NPAS3: variants seen among roughly 807,000 people sequenced by gnomAD.
The protein encoded by NPAS3 is neuronal PAS domain-containing protein 3.
A neutral mutation model predicts 73.1 loss-of-function variants in NPAS3; 14 were observed. That is an observed-to-expected ratio of 0.19 (90% CI 0.13 to 0.30). The LOEUF (loss-of-function observed/expected upper bound fraction) is 0.30, where lower values mean the gene tolerates loss of function less well. Among genes scored for constraint, NPAS3 ranks in the 10% least tolerant of loss-of-function variants. NPAS3 has a pLI of 1.00. For missense variants in NPAS3, 1,096 were observed against 1,250.0 expected (o/e 0.88, Z 1.86); for synonymous variants, 620 against 541.5 (o/e 1.14, Z -2.01).
At chr14:33,316,920 T>C (rs1423132704) in intron 3 of NPAS3, among the ~76,000 whole-genome samples, 1 of 152,116 alleles carries the variant, frequency 6.6e-6, no homozygotes, top group Non-Finnish European at 1.5e-5. Flanking sequence ...ATGTGGTTAT[T>C]CAAGCAAAGT....
chr14:33,604,462 G>A (rs768451243), intron 5 of NPAS3, among the ~76,000 whole-genome samples: 2 of 151,940 alleles, frequency 1.3e-5, no homozygotes, highest in Non-Finnish European at 2.9e-5. Flanking sequence ...AAGGACACCC[G>A]AGTATAAAGC....
chr14:33,717,126 C>A (rs1462927036), intron 6 of NPAS3, among the ~76,000 whole-genome samples: 2 of 147,138 alleles, frequency 1.4e-5, no homozygotes, highest in Admixed American at 7.2e-5. Context: ...CCAGAGAAAC[C>A]ATTTCCTGCT....
intron 1 of NPAS3, among the ~76,000 whole-genome samples, chr14:32,954,208 G>A (rs889265090): frequency 1.3e-5 from 2 of 152,012 alleles, no homozygotes; most frequent in Non-Finnish European, 2.9e-5. Context: ...GGTTTGTTTC[G>A]GTTTAGCTGA....
intron 5 of NPAS3, among the ~76,000 whole-genome samples, chr14:33,656,571 T>TA (rs2059151189): frequency 6.6e-6 from 1 of 152,172 alleles, no homozygotes; most frequent in South Asian, 2.1e-4. Context: ...TTCTTCTTTT[T>TA]AAAATTTTTT....
At chr14:33,680,950 A>T (rs2059919721) in intron 6 of NPAS3, 1 of 330,298 alleles carries the variant, frequency 3.0e-6, no homozygotes, top group Non-Finnish European at 5.5e-6. Flanking sequence ...TTATGCTATT[A>T]TACTTACGCT....
At chr14:33,097,855 A>G (rs1043016558) in intron 2 of NPAS3, among the ~76,000 whole-genome samples, 2 of 151,750 alleles carry the variant, frequency 1.3e-5, no homozygotes, top group Non-Finnish European at 2.9e-5. Flanking sequence ...CTACTGAGTT[A>G]TTATCTGCTT....
chr14:33,062,009 A>G (rs2041120044), intron 2 of NPAS3, among the ~76,000 whole-genome samples: 1 of 152,144 alleles, frequency 6.6e-6, no homozygotes, highest in Non-Finnish European at 1.5e-5. Flanking sequence ...GGACACAGGC[A>G]GAAGTGGAGG....
At chr14:33,269,816 G>T (rs893528944) in intron 3 of NPAS3, among the ~76,000 whole-genome samples, 2 of 152,106 alleles carry the variant, frequency 1.3e-5, no homozygotes, top group Admixed American at 1.3e-4. Context: ...AGCAGGGAGG[G>T]GGGTATGGGG....
chr14:33,757,546 A>G (rs537259040), intron 7 of NPAS3, among the ~76,000 whole-genome samples: 10 of 152,288 alleles, frequency 6.6e-5, no homozygotes, highest in African/African-American at 2.2e-4. Context: ...ACGATGGGGG[A>G]AAAAATGAGA....
intron 5 of NPAS3, among the ~76,000 whole-genome samples, chr14:33,666,176 C>T (rs1054451473): frequency 6.6e-6 from 1 of 152,192 alleles, no homozygotes; most frequent in Admixed American, 6.5e-5. Flanking sequence ...CAATCAATCA[C>T]TTAGTGTTAG....
intron 5 of NPAS3, among the ~76,000 whole-genome samples, chr14:33,566,829 AGTGATTTAAG>A (rs2055972058): frequency 6.6e-6 from 1 of 152,182 alleles, no homozygotes. Flanking sequence ...CTTGCAATCC[AGTGATTTAAG>A]GTATTTCTCT....
At chr14:33,783,766 G>T (rs1180480719) in intron 9 of NPAS3, among the ~76,000 whole-genome samples, 1 of 152,058 alleles carries the variant, frequency 6.6e-6, no homozygotes, top group Non-Finnish European at 1.5e-5. Context: ...AGCACCCCCT[G>T]GGAACTCAGA....
chr14:33,322,118 A>G (rs1455370172), intron 3 of NPAS3, among the ~76,000 whole-genome samples: 1 of 152,198 alleles, frequency 6.6e-6, no homozygotes, highest in African/African-American at 2.4e-5. Context: ...TCCCTAGTGT[A>G]GTGCCATGAA....
intron 3 of NPAS3, among the ~76,000 whole-genome samples, chr14:33,301,338 T>A (rs2042537400): frequency 1.1e-5 from 1 of 91,192 alleles, no homozygotes; most frequent in Admixed American, 1.1e-4. Flanking sequence ...TTTTTTTAAA[T>A]CTAGCTGTAA....
chr14:33,301,323 T>TATATATATATATATATA lies in NPAS3; in HGVS notation c.386-65863_386-65862insATATATATATATATATA, dbSNP rs1555370644. On this transcript the variant is annotated intron_variant, in intron 3 of 11. Coordinates refer to ENST00000356141, the Ensembl canonical transcript of NPAS3. ...TTTTATCATTATATATATATATATATTTTTTTTTTTTAAATCTAGCTGTAA... is the reference window on the plus strand; with the variant it reads ...TTTTATCATTATATATATATATATATATATATATATATATATATTTTTTTTTTTAAATCTAGCTGTAA... Among the ~76,000 whole-genome samples, 24 of 81,540 alleles carry TATATATATATATATATA rather than the reference T, an allele frequency of 2.9e-4. 1 individual carries two copies. The highest frequency in any genetic ancestry group is 3.9e-4 in the African/African-American group (8 of 20,438). The allele number at this position is 81,540 out of a possible 152,430, so 53.5% of individuals were successfully genotyped here.
intron 5 of NPAS3, among the ~76,000 whole-genome samples, chr14:33,643,504 G>A (rs1449799866): frequency 1.3e-5 from 2 of 151,700 alleles, no homozygotes; most frequent in Non-Finnish European, 2.9e-5. Flanking sequence ...TCTTTGTTCT[G>A]TGGGTTAAGC....
intron 3 of NPAS3, among the ~76,000 whole-genome samples, chr14:33,351,917 G>A (rs546389187): frequency 1.3e-5 from 2 of 152,256 alleles, no homozygotes; most frequent in South Asian, 2.1e-4. Context: ...GGCTAAGGGA[G>A]GGATAGCATT....
chr14:33,064,479 G>A (rs934209879), intron 2 of NPAS3, among the ~76,000 whole-genome samples: 1 of 152,116 alleles, frequency 6.6e-6, no homozygotes, highest in Non-Finnish European at 1.5e-5. Flanking sequence ...GTGTTACCTT[G>A]GAGCTCACAG....
chr14:33,163,235 AG>A (rs1202001471), intron 2 of NPAS3, among the ~76,000 whole-genome samples: 1 of 152,244 alleles, frequency 6.6e-6, no homozygotes, highest in East Asian at 1.9e-4. Flanking sequence ...AATCTTGTAC[AG>A]GTTGTCCATT....
Sources: allele counts gnomAD v4.1 joint callset (sites outside exome capture counted in the v4.1 genomes callset), GRCh38; gene constraint gnomAD v4.1.1; transcripts MANE v1.5; gene names NCBI Gene and HGNC (gene_info 2026-07-23, HGNC 2026-07-21).